ARHGEF1: variants seen among roughly 807,000 people sequenced by gnomAD.
The protein encoded by ARHGEF1 is 115 kDa guanine nucleotide exchange factor.
Under a neutral mutation model 119.7 loss-of-function variants are expected in ARHGEF1, and 40 were observed. The observed-to-expected ratio is 0.33, with a 90% CI of 0.26 to 0.44. The LOEUF is 0.44. Among genes scored for constraint, ARHGEF1 ranks in the 20% least tolerant of loss-of-function variants. The pLI, the probability that ARHGEF1 is intolerant of heterozygous loss-of-function variation, is 1.00. For missense variants in ARHGEF1, 976 were observed against 1,268.3 expected, an observed-to-expected ratio of 0.77 and a Z score of 3.50; for synonymous variants, 494 against 521.0, an observed-to-expected ratio of 0.95 and a Z score of 0.71.
At position 41,896,373 on chromosome 19, in the gene ARHGEF1, A is replaced by G. The variant is rs2074487412; in HGVS notation, c.1016-4A>G. The G allele has an allele frequency of 7.0e-7, 1 of 1,418,788 alleles. No homozygotes were observed. Among genetic ancestry groups the G allele is most frequent in the East Asian group, 2.6e-5 (1 of 38,270 alleles). The allele number at this position is 1,418,788 out of a possible 1,614,324, so 87.9% of individuals were successfully genotyped here. A position where few individuals can be genotyped will look rare whatever the true frequency, so the allele number is the denominator to read the frequency against. On this transcript the variant is annotated splice_polypyrimidine_tract_variant and splice_region_variant and intron_variant, in intron 12 of 28. Coordinates refer to ENST00000354532, the MANE Select transcript of ARHGEF1 (RefSeq NM_004706.4). ...CAGCCAGCCCTGCTCCCTCCACCCC[A>G]CAGGTGCTGACGCCCCCCTGGAGCT...
chr19:41,925,212 C>A (rs1263856619), intron 1 of ARHGEF1, among the ~76,000 whole-genome samples: 1 of 151,990 alleles, frequency 6.6e-6, no homozygotes, highest in East Asian at 1.9e-4. Flanking sequence ...GAATGTGTTA[C>A]CAGGGCAGAG....
intron 1 of ARHGEF1, among the ~76,000 whole-genome samples, chr19:41,885,584 C>T (rs371345028): frequency 2.0e-4 from 31 of 152,154 alleles, no homozygotes; most frequent in East Asian, 1.5e-3. Flanking sequence ...GCCTCAGCCT[C>T]CCGAGTAGCT....
At chr19:41,908,240 C>T, downstream of ARHGEF1, 15 of 1,231,654 alleles carry the variant, frequency 1.2e-5, no homozygotes, top group Middle Eastern at 3.1e-4. The surrounding 1 kb of genome is among the most constrained non-coding windows in gnomAD (Gnocchi z 6.7). Flanking sequence ...AGCTGCCGGT[C>T]CCCCCTTTGC....
chr19:41,912,436 C>T (rs116276319), downstream of ARHGEF1, among the ~76,000 whole-genome samples: 247 of 152,324 alleles, frequency 1.6e-3, 2 homozygotes, highest in African/African-American at 5.6e-3. Flanking sequence ...CGTGCCTGCA[C>T]GTACCCCTGA....
At chr19:41,896,880 C>G in intron 13 of ARHGEF1, 1 of 322,352 alleles carries the variant, frequency 3.1e-6, no homozygotes, top group Admixed American at 3.4e-5. Flanking sequence ...CCTCTCACCT[C>G]CCCGCTCCTC....
intron 13 of ARHGEF1, chr19:41,897,811 C>T: frequency 1.1e-6 from 1 of 938,326 alleles, no homozygotes; most frequent in South Asian, 3.4e-5. Context: ...GGCCTCTCCC[C>T]ACCTCTGTCC....
Position 41,892,804 on chromosome 19 carries a change from A to C in ARHGEF1, c.569A>C (p.Glu190Ala). 2 of 1,593,326 alleles carry C rather than the reference A, an allele frequency of 1.3e-6. No homozygotes were observed. Among genetic ancestry groups the C allele is most frequent in the South Asian group, 2.2e-5 (2 of 90,418 alleles). The change falls in exon 7 of 29, where the codon GAG (glutamate) becomes GCG (alanine). Residue 190 changes from glutamate to alanine, a missense_variant. By Grantham distance (107) the Glu-to-Ala change is moderately radical. Around this residue, in one of 3 missense-constraint regions of ARHGEF1, gnomAD observed 519 missense variants for 580.9 expected, o/e 0.89. Coordinates refer to ENST00000354532, the MANE Select transcript of ARHGEF1 (RefSeq NM_004706.4). The surrounding 1 kb of genome is among the most constrained non-coding windows in gnomAD (Gnocchi z 6.3). ...GACCGAGCCAGCTACGAGGCCCGGG[A>C]GCGGCACGTGGCGGAGCGGCTGCTC... Reference protein sequence around the residue: ...GRDRASYEARERHVAERLLMH... With the variant: ...GRDRASYEARARHVAERLLMH...
downstream of ARHGEF1, among the ~76,000 whole-genome samples, chr19:41,911,168 C>T (rs1009619123): frequency 6.6e-6 from 1 of 152,128 alleles, no homozygotes; most frequent in Admixed American, 6.5e-5. Context: ...CTCAGCATCA[C>T]GTCTCACATG....
downstream of ARHGEF1, chr19:41,908,402 AGGGGCCGCTGCCAGGCCCGAGGGGCGCTC>A: frequency 8.1e-7 from 1 of 1,231,148 alleles, no homozygotes; most frequent in Admixed American, 4.2e-5. The surrounding 1 kb of genome is among the most constrained non-coding windows in gnomAD (Gnocchi z 6.7). Flanking sequence ...GCGCCAGGCG[AGGGGCCGCTGCCAGGCCCGAGGGGCGCTC>A]GGGGCCCAGG....
chr19:41,915,852 G>C (rs555358276), intron 18 of ARHGEF1, among the ~76,000 whole-genome samples: 113 of 152,268 alleles, frequency 7.4e-4, no homozygotes, highest in African/African-American at 2.5e-3. Flanking sequence ...GGGCCAAACA[G>C]GGCCTGGCAG....
Position 41,888,306 on chromosome 19 carries a change from C to CTGTCCCAGGCTCAG in ARHGEF1, c.111+35_111+48dup. On this transcript the variant is annotated intron_variant, in intron 3 of 28. Coordinates refer to ENST00000354532, the MANE Select transcript of ARHGEF1 (RefSeq NM_004706.4). This position sits in a 1 kb window ranked among gnomAD's most constrained non-coding sequence, Gnocchi z 5.1. ...GAGTGGGAGATAGGGTGGAAAAGCT[C>CTGTCCCAGGCTCAG]TGTCCCAGGCTCAGTGTCCCGCCCC... 6.2e-7 allele frequency: 1 copy of CTGTCCCAGGCTCAG among 1,609,450 alleles called. No homozygotes were observed. The highest frequency in any genetic ancestry group is 1.1e-5 in the South Asian group (1 of 90,998).
intron 2 of ARHGEF1, chr19:41,929,052 C>G (rs2074890042): frequency 2.7e-6 from 1 of 366,240 alleles, no homozygotes; most frequent in Non-Finnish European, 5.6e-6. Context: ...CAGACACACA[C>G]ACACAGACCT....
rs1447431039 is a variant in ARHGEF1, at chr19:41,904,694, G to C, written c.2162-255G>C. 2.0e-5 allele frequency among the ~76,000 whole-genome samples: 3 copies of C among 152,152 alleles called. No homozygotes were observed. The highest frequency in any genetic ancestry group is 4.4e-5 in the Non-Finnish European group (3 of 68,032). On this transcript the variant is annotated intron_variant, in intron 22 of 28. Transcript: ENST00000354532. The surrounding 1 kb of genome is among the most constrained non-coding windows in gnomAD (Gnocchi z 8.4). ...ACCAGGGCCACAAACACTGGAAGCG[G>C]CTGGAGGGTGGGAGTGGCTGGAGGG...
downstream of ARHGEF1, chr19:41,910,021 G>C (rs1555851119): frequency 6.2e-7 from 1 of 1,613,572 alleles, no homozygotes; most frequent in African/African-American, 1.3e-5. The surrounding 1 kb of genome is among the most constrained non-coding windows in gnomAD (Gnocchi z 4.4). Flanking sequence ...GCAGCTCCAG[G>C]ATAAAGTGCC....
upstream of ARHGEF1, among the ~76,000 whole-genome samples, chr19:41,919,592 C>G (rs1262069086): frequency 6.6e-6 from 1 of 152,112 alleles, no homozygotes; most frequent in East Asian, 1.9e-4. Context: ...GACACAACAG[C>G]AACCCCCGAA....
downstream of ARHGEF1, among the ~76,000 whole-genome samples, chr19:41,911,800 C>T (rs1171038210): frequency 3.3e-5 from 5 of 152,142 alleles, no homozygotes; most frequent in African/African-American, 1.2e-4. Context: ...CTCAAATGCA[C>T]ACCCTCAAAT....
intron 13 of ARHGEF1, chr19:41,896,709 C>A: frequency 1.5e-6 from 1 of 685,124 alleles, no homozygotes. Context: ...TTTTCCTCTG[C>A]TCCTTCCTCT....
intron 18 of ARHGEF1, among the ~76,000 whole-genome samples, chr19:41,912,591 C>T (rs1433794015): frequency 6.6e-6 from 1 of 152,214 alleles, no homozygotes; most frequent in Admixed American, 6.5e-5. Context: ...TCGGGCCCCT[C>T]CGTCCTCACC....
chr19:41,906,800 G>A lies in ARHGEF1; in HGVS notation c.*14G>A. 2 of 1,605,794 alleles carry A rather than the reference G, an allele frequency of 1.2e-6. No homozygotes were observed. The highest frequency in any genetic ancestry group is 1.1e-5 in the South Asian group (1 of 90,196). ...GGCTGCACTTGAGGTTCCCGCCCAG[G>A]AAGGTGAGTGGGGCACCTGGGGGCC... On this transcript the variant is annotated 3_prime_UTR_variant, in exon 28 of 29. Transcript: ENST00000354532. This position sits in a 1 kb window ranked among gnomAD's most constrained non-coding sequence, Gnocchi z 4.5.
Sources: allele counts gnomAD v4.1 joint callset (sites outside exome capture counted in the v4.1 genomes callset), GRCh38; gene constraint gnomAD v4.1.1; regional missense constraint gnomAD v4.1.1; non-coding constraint Gnocchi (gnomAD v3.1); transcripts MANE v1.5; gene names NCBI Gene and HGNC (gene_info 2026-07-23, HGNC 2026-07-21).